CLK4: variants seen among roughly 807,000 people sequenced by gnomAD.
CLK4 encodes the protein CDC like kinase 4.
Under a neutral mutation model 64.4 loss-of-function variants are expected in CLK4, and 37 were observed. The observed-to-expected ratio is 0.57, with a 90% CI of 0.44 to 0.76. The LOEUF (loss-of-function observed/expected upper bound fraction) is 0.76, where lower values mean the gene tolerates loss of function less well. Among genes scored for constraint, CLK4 ranks in the 30% least tolerant of loss-of-function variants. The pLI, the probability that CLK4 is intolerant of heterozygous loss-of-function variation, is 0.00. For synonymous variants in CLK4, 175 were observed against 191.6 expected (o/e 0.91, Z 0.72); for missense variants, 457 against 605.1 (o/e 0.76, Z 2.57).
At position 178,603,987 on chromosome 5, in the gene CLK4, T is replaced by C. The variant is rs1223833209; in HGVS notation, c.1215-53A>G. On this transcript the variant is annotated intron_variant, in intron 11 of 12. Coordinates refer to ENST00000316308, the MANE Select transcript of CLK4 (RefSeq NM_020666.3). ...TAGTAAAATAACAAGAGTCGTATCT[T>C]TACCCTGCACCCATGAGGGGAGACA... The C allele has an allele frequency of 2.9e-6, 4 of 1,370,438 alleles. No homozygotes were observed. The African/African-American group carries it at 5.8e-5, about 20-fold the overall frequency. The allele number at this position is 1,370,438 out of a possible 1,614,324, so 84.9% of individuals were successfully genotyped here.
rs1288847910 is a variant in CLK4, at chr5:178,623,238, G to C, written c.161+18C>G. ...AACTATTAGAGCTAAAATGCTAGTAGTTCAAGAGTTAATTTACCAATCAGA... is the reference window on the plus strand; with the variant it reads ...AACTATTAGAGCTAAAATGCTAGTACTTCAAGAGTTAATTTACCAATCAGA... On this transcript the variant is annotated intron_variant, in intron 2 of 12. Coordinates refer to ENST00000316308, the MANE Select transcript of CLK4 (RefSeq NM_020666.3). 1.2e-6 allele frequency: 2 copies of C among 1,607,868 alleles called. No individual in the cohort carries two copies. Among genetic ancestry groups the C allele is most frequent in the Non-Finnish European group, 1.7e-6 (2 of 1,175,432 alleles).
At chr5:178,622,217 T>C (rs1011349602) in intron 2 of CLK4, 1 of 156,750 alleles carries the variant, frequency 6.4e-6, no homozygotes, top group African/African-American at 2.4e-5. Flanking sequence ...GATGGTTTTT[T>C]TTAGTGTACT....
At position 178,618,650 on chromosome 5, in the gene CLK4, T is replaced by C. The variant is rs921503404; in HGVS notation, c.290A>G (p.Tyr97Cys). 6.2e-7 allele frequency: 1 copy of C among 1,613,974 alleles called. No homozygotes were observed. Among genetic ancestry groups the C allele is most frequent in the Admixed American group, 1.7e-5 (1 of 60,006 alleles). ...TGAAGATTTACTGCAGTGGATTCGA[T>C]ACCCGCTTTCAATGTCTCTGTGATA... Reference protein sequence around the residue: ...RHYHRDIESGYRIHCSKSSVR... With the variant: ...RHYHRDIESGCRIHCSKSSVR... The change falls in exon 3 of 13, where the codon TAT becomes TGT. Residue 97 changes from tyrosine (Y) to cysteine (C), a missense_variant. Physicochemically the swap from Tyr to Cys is radical, Grantham distance 194. Coordinates refer to ENST00000316308, the MANE Select transcript of CLK4 (RefSeq NM_020666.3).
chr5:178,603,818 T>G lies in CLK4; in HGVS notation c.1305+26A>C, dbSNP rs1272244978. On this transcript the variant is annotated intron_variant, in intron 12 of 12. Coordinates refer to ENST00000316308, the MANE Select transcript of CLK4 (RefSeq NM_020666.3). ...TTAATAGTGCAAACACGTGGTTTAT[T>G]TAACCTTTAATCTTTTTTCTTTTAC... 2.5e-6 allele frequency: 4 copies of G among 1,591,226 alleles called. No individual in the cohort carries two copies. In the South Asian group the frequency reaches 4.7e-5, roughly 19 times the overall value.
rs146788940 is a variant in CLK4, at chr5:178,618,703, G to A, written c.237C>T (p.Asp79=). Residue 79 remains aspartate, a synonymous_variant, in exon 3 of 13, where the codon GAC becomes GAT. Coordinates refer to ENST00000316308, the MANE Select transcript of CLK4 (RefSeq NM_020666.3). Reference sequence around the variant, plus strand: ...GTCTAGGAACATATCCTTCACAGTAGTCATTCCTGTATTCGTCAACGTATC... The same window carrying A: ...GTCTAGGAACATATCCTTCACAGTAATCATTCCTGTATTCGTCAACGTATC... ...DRRYVDEYRN[D]YCEGYVPRHY... 3 of 1,613,906 alleles carry A rather than the reference G, an allele frequency of 1.9e-6. No individual in the cohort carries two copies. The highest frequency in any genetic ancestry group is 2.5e-6 in the Non-Finnish European group (3 of 1,179,872).
At chr5:178,613,217 C>T (rs1404585270) in intron 7 of CLK4, among the ~76,000 whole-genome samples, 3 of 152,058 alleles carry the variant, frequency 2.0e-5, no homozygotes, top group Non-Finnish European at 4.4e-5. Context: ...GTCAGGAGAT[C>T]GAGACCATCC....
rs746384157 is a variant in CLK4, at chr5:178,616,941, G to T, written c.483C>A (p.Ile161=). The T allele has an allele frequency of 6.2e-7, 1 of 1,612,148 alleles. No homozygotes were observed. Among genetic ancestry groups the T allele is most frequent in the Non-Finnish European group, 8.5e-7 (1 of 1,178,324 alleles). ...SGDVLRARYE[I]VDTLGEGAFG... ...AGGCTCCTTCACCCAAAGTGTCCAC[G>T]ATTTCATCTAGAGTGAGGAGGGAAA... The change falls in exon 5 of 13, where the codon ATC becomes ATA. Residue 161 remains isoleucine (I), a synonymous_variant. Transcript: ENST00000316308.
chr5:178,626,661 G>T (rs1241751296), intron 1 of CLK4, among the ~76,000 whole-genome samples: 8 of 152,162 alleles, frequency 5.3e-5, no homozygotes, highest in Non-Finnish European at 1.0e-4. Flanking sequence ...TCCCGACAGG[G>T]TTAACCAACA....
intron 10 of CLK4, 42 bp from the exon 11 acceptor site, chr5:178,605,424 C>T (rs1292406543): frequency 1.8e-6 from 2 of 1,135,734 alleles, no homozygotes; most frequent in Non-Finnish European, 2.5e-6. Context: ...TCTCCATTTC[C>T]CTACAAACAC....
Position 178,612,430 on chromosome 5 carries a change from G to A in CLK4, c.1037C>T (p.Pro346Leu). 1 of 1,611,160 alleles carries A rather than the reference G, an allele frequency of 6.2e-7. No homozygotes were observed. The highest frequency in any genetic ancestry group is 8.5e-7 in the Non-Finnish European group (1 of 1,178,294). Residue 346 changes from proline to leucine, a missense_variant, in exon 9 of 13, where the codon CCC becomes CTC. Transcript: ENST00000316308. The stretch of plus-strand genomic sequence containing the variant: ...TGTCTACTGACCCAAAATGACCTCG[G>A]GAGCTCTGTAGTGCCGGGTAGACAC... ...TLVSTRHYRA[P>L]EVILALGWSQ...
chr5:178,611,447 T>C (rs754924458), intron 9 of CLK4, among the ~76,000 whole-genome samples: 15 of 152,166 alleles, frequency 9.9e-5, no homozygotes, highest in Non-Finnish European at 2.1e-4. Flanking sequence ...CAAAACTCAG[T>C]TCTCCTCAGT....
Position 178,617,604 on chromosome 5 carries a change from A to T in CLK4, c.385-170T>A. 1 of 692,400 alleles carries T rather than the reference A, an allele frequency of 1.4e-6. No homozygotes were observed. Among genetic ancestry groups the T allele is most frequent in the Non-Finnish European group, 2.1e-6 (1 of 470,618 alleles). 42.9% of individuals were successfully genotyped at this position (692,400 alleles called of 1,614,324 possible). A position where few individuals can be genotyped will look rare whatever the true frequency, so the allele number is the denominator to read the frequency against. On this transcript the variant is annotated intron_variant, in intron 3 of 12. Coordinates refer to ENST00000316308, the MANE Select transcript of CLK4 (RefSeq NM_020666.3). The surrounding 1 kb of genome is among the most constrained non-coding windows in gnomAD (Gnocchi z 5.2). ...TTTCAAATTCAGTCCCCAGAAATTC[A>T]CAGGGCACAGTTTATGTTACAGAAG...
At position 178,618,547 on chromosome 5, in the gene CLK4, C is replaced by A; in HGVS notation, c.384+9G>T. 6.3e-7 allele frequency: 1 copy of A among 1,599,494 alleles called. No individual in the cohort carries two copies. Among genetic ancestry groups the A allele is most frequent in the Non-Finnish European group, 8.5e-7 (1 of 1,170,360 alleles). ...ACTCCACTCAAATTGAAAACAAAAC[C>A]AATCATACCGAACGTGACTGATGAC... is the stretch of plus-strand genomic sequence containing the variant. On this transcript the variant is annotated intron_variant, in intron 3 of 12. Transcript: ENST00000316308.
Position 178,613,850 on chromosome 5 carries a change from A to G in CLK4, c.543-7T>C. ...TGCTACATGCATGCCATCCCTTAAA[A>G]ATAAAATTAAGATAAAAATGATAAA... On this transcript the variant is annotated splice_polypyrimidine_tract_variant and splice_region_variant and intron_variant, in intron 5 of 12. Coordinates refer to ENST00000316308, the MANE Select transcript of CLK4 (RefSeq NM_020666.3). 6.2e-7 allele frequency: 1 copy of G among 1,600,190 alleles called. No individual in the cohort carries two copies. The highest frequency in any genetic ancestry group is 8.6e-7 in the Non-Finnish European group (1 of 1,167,656).
chr5:178,613,571 C>T lies in CLK4; in HGVS notation c.728G>A (p.Gly243Glu). Residue 243 changes from glycine (G) to glutamate (E), a missense_variant, in exon 7 of 13, where the codon GGA becomes GAA. Physicochemically the swap from Gly to Glu is moderately conservative, Grantham distance 98. Transcript: ENST00000316308. Reference sequence around the variant, plus strand: ...TTTAATGAAATCGTAAGTACTAAGTCCCAGTAGTTCAAACACAATACAAAC... The same window carrying T: ...TTTAATGAAATCGTAAGTACTAAGTTCCAGTAGTTCAAACACAATACAAAC... ...GHVCIVFELL[G>E]LSTYDFIKEN... is the part of the protein sequence containing the mutation. The T allele has an allele frequency of 6.2e-7, 1 of 1,612,450 alleles. No individual in the cohort carries two copies. Among genetic ancestry groups the T allele is most frequent in the South Asian group, 1.1e-5 (1 of 90,616 alleles).
intron 11 of CLK4, 123 bp downstream of exon 11, chr5:178,605,178 GAA>G (rs371658302): frequency 2.8e-3 from 964 of 345,392 alleles, no homozygotes; most frequent in Middle Eastern, 5.5e-3. Context: ...CTCCAGTACA[GAA>G]AAAAAAAAAA....
At chr5:178,612,320 C>G in intron 9 of CLK4, 96 bp downstream of exon 9, 9 of 1,107,610 alleles carry the variant, frequency 8.1e-6, no homozygotes, top group Non-Finnish European at 7.6e-6. Flanking sequence ...CTGAATCCTG[C>G]TGAGAAGATC....
At chr5:178,616,570 T>A (rs1017946260) in intron 5 of CLK4, among the ~76,000 whole-genome samples, 2 of 151,656 alleles carry the variant, frequency 1.3e-5, no homozygotes, top group Non-Finnish European at 2.9e-5. Flanking sequence ...CTGAGGCGGG[T>A]AGATCACTTG....
In CLK4 at chr5:178,603,446, C is replaced by A; in HGVS notation, c.*171G>T. On this transcript the variant is annotated 3_prime_UTR_variant, in exon 13 of 13. Transcript: ENST00000316308. ...TAATTTTTCTAATGCATTATCAAGA[C>A]CATACTTGCTTAACAAGTTAATTAT... 1 of 438,330 alleles carries A rather than the reference C, an allele frequency of 2.3e-6. No homozygotes were observed. Among genetic ancestry groups the A allele is most frequent in the Non-Finnish European group, 3.9e-6 (1 of 256,102 alleles). 27.2% of individuals were successfully genotyped at this position (438,330 alleles called of 1,614,324 possible). A position where few individuals can be genotyped will look rare whatever the true frequency, so the allele number is the denominator to read the frequency against.
Sources: gnomAD v4.1 joint callset for allele counts (sites outside exome capture counted in the v4.1 genomes callset) on GRCh38, gnomAD v4.1.1 for gene constraint, Gnocchi (gnomAD v3.1) non-coding constraint, MANE v1.5 for transcripts, NCBI Gene and HGNC (gene_info 2026-07-23, HGNC 2026-07-21) for gene names.